Variants in RANBP2 observed in about 807,000 individuals in gnomAD.
The protein encoded by RANBP2 is RAN binding protein 2, also known as E3 SUMO-protein ligase RanBP2.
In RANBP2, 57 loss-of-function variants were observed where a neutral mutation model predicts 303.6. That is an observed-to-expected ratio of 0.19 (90% CI 0.15 to 0.23). The LOEUF (loss-of-function observed/expected upper bound fraction) is 0.23. RANBP2 is among the 10% of genes least tolerant of loss of function. RANBP2 has a pLI of 1.00. For synonymous variants in RANBP2, 1,167 were observed against 1,301.5 expected (o/e 0.90, Z 2.23); for missense variants, 3,138 against 3,780.8 (o/e 0.83, Z 4.46).
the RANBP2 span, among the ~76,000 whole-genome samples, chr2:109,338,995 AAAG>A: frequency 6.6e-6 from 1 of 152,238 alleles, no homozygotes; most frequent in African/African-American, 2.4e-5. Flanking sequence ...GAGCTAGAGA[AAAG>A]AAATTGTTAT....
chr2:109,436,665 G>A, the RANBP2 span, among the ~76,000 whole-genome samples: 11 of 152,328 alleles, frequency 7.2e-5, no homozygotes, highest in Middle Eastern at 3.4e-3. Context: ...TTCTCAGGGC[G>A]GCTTTGCTAT....
chr2:109,169,689 G>C, the RANBP2 span, among the ~76,000 whole-genome samples: 1 of 151,656 alleles, frequency 6.6e-6, no homozygotes, highest in Admixed American at 6.6e-5. Flanking sequence ...TCATTGTTTG[G>C]CTATATCTCT....
the RANBP2 span, among the ~76,000 whole-genome samples, chr2:109,647,396 T>G: frequency 6.6e-6 from 1 of 151,930 alleles, no homozygotes; most frequent in Non-Finnish European, 1.5e-5. Context: ...TATCTTAACC[T>G]TGTGATCCGC....
At chr2:109,357,334 A>G in the RANBP2 span, among the ~76,000 whole-genome samples, 2 of 151,862 alleles carry the variant, frequency 1.3e-5, no homozygotes, top group East Asian at 3.9e-4. Context: ...GGCACCCACC[A>G]CCATGCCCGG....
At chr2:109,425,809 C>CA in the RANBP2 span, among the ~76,000 whole-genome samples, 2 of 152,230 alleles carry the variant, frequency 1.3e-5, no homozygotes, top group African/African-American at 4.8e-5. Context: ...TGCCTGCTGA[C>CA]ACAGCATCCA....
the RANBP2 span, chr2:109,616,658 T>C: frequency 6.0e-6 from 1 of 167,084 alleles, no homozygotes; most frequent in Non-Finnish European, 1.5e-5. Flanking sequence ...TTTATGTGTA[T>C]TGTAAGTAGC....
chr2:109,132,387 C>T, the RANBP2 span, among the ~76,000 whole-genome samples: 1 of 152,142 alleles, frequency 6.6e-6, no homozygotes, highest in Non-Finnish European at 1.5e-5. Flanking sequence ...GGACACAAAA[C>T]AGTGTTTTCC....
the RANBP2 span, among the ~76,000 whole-genome samples, chr2:109,511,180 CA>C: frequency 6.6e-6 from 1 of 152,208 alleles, no homozygotes; most frequent in Non-Finnish European, 1.5e-5. Context: ...CCTAACTCCT[CA>C]GCCTGTTCTT....
At chr2:109,608,550 G>T in the RANBP2 span, among the ~76,000 whole-genome samples, 2 of 152,272 alleles carry the variant, frequency 1.3e-5, no homozygotes, top group Admixed American at 1.3e-4. Context: ...GGAGGGGCTG[G>T]GGAGCCCATC....
At chr2:109,737,233 C>T in the RANBP2 span, 24 of 828,880 alleles carry the variant, frequency 2.9e-5, no homozygotes, top group East Asian at 1.8e-4. Context: ...CAACCAATCA[C>T]GAAGATTATT....
intron 14 of RANBP2, 30 bp from the exon 15 acceptor site, chr2:108,753,795 A>G: frequency 6.2e-7 from 1 of 1,611,744 alleles, no homozygotes; most frequent in Non-Finnish European, 8.5e-7. Context: ...TTAAAAACCT[A>G]ATGATTTCAT....
chr2:109,444,220 A>G, the RANBP2 span, among the ~76,000 whole-genome samples: 5 of 152,388 alleles, frequency 3.3e-5, no homozygotes, highest in Admixed American at 1.3e-4. Context: ...GAAAAAGAAC[A>G]GTGAACTTGG....
At chr2:108,808,497 C>T in the RANBP2 span, among the ~76,000 whole-genome samples, 2 of 152,058 alleles carry the variant, frequency 1.3e-5, no homozygotes, top group Non-Finnish European at 1.5e-5. Context: ...AAAGAGTTTC[C>T]CTTCTCCACA....
chr2:109,722,981 C>G, the RANBP2 span, among the ~76,000 whole-genome samples: 1 of 152,096 alleles, frequency 6.6e-6, no homozygotes, highest in Admixed American at 6.5e-5. Context: ...TGCGTCTATA[C>G]CCAGTAATGG....
rs1677518596 is a variant in RANBP2 at position 108,771,813 on chromosome 2, T to A, written c.7962T>A (p.Pro2654=). ...QKALATKLKL[P]PTFFCYKNRP... ...CCCTTGCAACCAAACTTAAACTTCC[T>A]CCAACTTTCTTCTGCTACAAGAATA... The change falls in exon 21 of 29, where the codon CCT becomes CCA. Residue 2654 remains proline, a synonymous_variant. Coordinates refer to ENST00000283195, the MANE Select transcript of RANBP2 (RefSeq NM_006267.5). The A allele has an allele frequency of 1.9e-6, 3 of 1,613,932 alleles. No individual in the cohort carries two copies. In the African/African-American group the frequency reaches 4.0e-5, roughly 22 times the overall value.
chr2:109,282,853 G>T, the RANBP2 span, among the ~76,000 whole-genome samples: 1 of 152,182 alleles, frequency 6.6e-6, no homozygotes, highest in African/African-American at 2.4e-5. Context: ...TGGTCCTCCT[G>T]TGAGGAGAGG....
the RANBP2 span, among the ~76,000 whole-genome samples, chr2:109,429,335 G>A: frequency 6.6e-6 from 1 of 152,170 alleles, no homozygotes; most frequent in Non-Finnish European, 1.5e-5. Context: ...AGGCAGAGAA[G>A]AGATTTTTCA....
At chr2:109,139,049 A>G in the RANBP2 span, among the ~76,000 whole-genome samples, 1 of 152,202 alleles carries the variant, frequency 6.6e-6, no homozygotes, top group Non-Finnish European at 1.5e-5. Flanking sequence ...ATGTCTGTGG[A>G]TTTAATTATG....
chr2:108,831,891 C>G, the RANBP2 span, among the ~76,000 whole-genome samples: 6 of 151,870 alleles, frequency 4.0e-5, no homozygotes, highest in African/African-American at 1.5e-4. Flanking sequence ...GGCCACCATG[C>G]CTGGCTAATT....
Sources: allele counts gnomAD v4.1 joint callset (sites outside exome capture counted in the v4.1 genomes callset), GRCh38; gene constraint gnomAD v4.1.1; transcripts MANE v1.5; gene names NCBI Gene and HGNC (gene_info 2026-07-23, HGNC 2026-07-21).